The following IQCM variants were observed in gnomAD, a reference collection of about 807,000 sequenced individuals.
IQCM encodes IQ motif containing M, also known as IQ domain-containing protein M.
IQCM carries 45 observed loss-of-function variants against 57.6 expected under a neutral mutation model. That is an observed-to-expected ratio of 0.78 (90% CI 0.62 to 1.00). IQCM has a LOEUF of 1.00. Among genes scored for constraint, IQCM ranks in the 50% least tolerant of loss-of-function variants. The pLI, the probability that IQCM is intolerant of heterozygous loss-of-function variation, is 0.00. For synonymous variants in IQCM, 148 were observed against 158.9 expected, an observed-to-expected ratio of 0.93 and a Z score of 0.51; for missense variants, 468 against 511.6, an observed-to-expected ratio of 0.91 and a Z score of 0.82.
intron 12 of IQCM, among the ~76,000 whole-genome samples, chr4:149,510,223 T>C (rs188458673): frequency 4.6e-5 from 7 of 152,288 alleles, no homozygotes; most frequent in Non-Finnish European, 1.0e-4. Flanking sequence ...TGCATTTCTC[T>C]GGCTACTGGT....
rs559311858 is a variant in IQCM at position 149,487,929 on chromosome 4, C to T, written c.1229-54372G>A. On this transcript the variant is annotated intron_variant, in intron 12 of 13. Coordinates refer to ENST00000636793, the MANE Select transcript of IQCM (RefSeq NM_001363507.2). ...GTGATTGCTCATCTGGTTTTTGGTT[C>T]TTCAGATGGTGCTTTTCTGTATGCA... is the stretch of plus-strand genomic sequence containing the variant. Among the ~76,000 whole-genome samples, 12 of 152,060 alleles carry T rather than the reference C, an allele frequency of 7.9e-5. No individual in the cohort carries two copies. The East Asian group carries it at 2.3e-3, about 29-fold the overall frequency.
At chr4:149,725,497 A>G (rs1196088726) in intron 5 of IQCM, among the ~76,000 whole-genome samples, 2 of 152,154 alleles carry the variant, frequency 1.3e-5, no homozygotes, top group African/African-American at 4.8e-5. Context: ...AGCATTTCAG[A>G]GCTGTCTAGT....
At chr4:149,550,463 A>G (rs2149900942) in intron 11 of IQCM, among the ~76,000 whole-genome samples, 1 of 152,318 alleles carries the variant, frequency 6.6e-6, no homozygotes, top group Non-Finnish European at 1.5e-5. Flanking sequence ...TCTCCTTGAG[A>G]AATCCTTGAA....
At chr4:149,593,409 C>T (rs918499441) in intron 8 of IQCM, among the ~76,000 whole-genome samples, 31 of 152,036 alleles carry the variant, frequency 2.0e-4, no homozygotes, top group Non-Finnish European at 3.1e-4. Flanking sequence ...CAAACAGGGA[C>T]AATTTGCCTT....
At chr4:149,681,159 T>C (rs897868568) in intron 7 of IQCM, among the ~76,000 whole-genome samples, 4 of 151,178 alleles carry the variant, frequency 2.6e-5, no homozygotes, top group African/African-American at 7.3e-5. Flanking sequence ...ATTTCAAGAG[T>C]ATTATTTATT....
At chr4:149,766,650 G>A (rs562416801) in intron 2 of IQCM, among the ~76,000 whole-genome samples, 6 of 152,200 alleles carry the variant, frequency 3.9e-5, no homozygotes, top group South Asian at 2.1e-4. Flanking sequence ...CCCACAGGTC[G>A]TATGGTCTTT....
chr4:149,811,780 C>A (rs1343566632), intron 2 of IQCM, among the ~76,000 whole-genome samples: 1 of 152,116 alleles, frequency 6.6e-6, no homozygotes, highest in African/African-American at 2.4e-5. Flanking sequence ...TCCATAACTA[C>A]AGAAAAGCAA....
chr4:149,685,600 T>C (rs1202347766), intron 6 of IQCM, among the ~76,000 whole-genome samples: 3 of 151,632 alleles, frequency 2.0e-5, no homozygotes, highest in East Asian at 1.9e-4. Context: ...AAGTTCTTCA[T>C]AGCCTTGCCA....
chr4:149,717,159 G>A (rs1765073781), intron 5 of IQCM, among the ~76,000 whole-genome samples: 1 of 152,140 alleles, frequency 6.6e-6, no homozygotes, highest in African/African-American at 2.4e-5. Context: ...AAACTGAGTT[G>A]GGAGTTGTGG....
chr4:149,771,057 A>T (rs1034235618), intron 2 of IQCM, among the ~76,000 whole-genome samples: 7 of 152,040 alleles, frequency 4.6e-5, no homozygotes, highest in Non-Finnish European at 4.4e-5. Flanking sequence ...CCATCTCTTT[A>T]TATGTCCTAA....
intron 7 of IQCM, among the ~76,000 whole-genome samples, chr4:149,669,187 TG>T (rs1579931534): frequency 6.6e-6 from 1 of 152,162 alleles, no homozygotes; most frequent in East Asian, 1.9e-4. Flanking sequence ...TGGTATGAGA[TG>T]GTATCTCGTT....
chr4:149,421,362 A>G (rs1324103694), intron 13 of IQCM, among the ~76,000 whole-genome samples: 1 of 152,092 alleles, frequency 6.6e-6, no homozygotes, highest in Non-Finnish European at 1.5e-5. Context: ...CACCAAAAAT[A>G]TGAAGAGAAC....
intron 12 of IQCM, among the ~76,000 whole-genome samples, chr4:149,508,490 G>A (rs1318812361): frequency 1.3e-5 from 2 of 152,194 alleles, no homozygotes; most frequent in African/African-American, 4.8e-5. Flanking sequence ...TCATTTTGGA[G>A]GTTTAAGATT....
intron 2 of IQCM, among the ~76,000 whole-genome samples, chr4:149,743,357 C>G (rs1767636724): frequency 6.6e-6 from 1 of 152,096 alleles, no homozygotes; most frequent in South Asian, 2.1e-4. Flanking sequence ...ATCTGTTCCT[C>G]TCTTAAATAC....
At chr4:149,486,031 C>A (rs79594460) in intron 12 of IQCM, among the ~76,000 whole-genome samples, 132 of 105,444 alleles carry the variant, frequency 1.3e-3, no homozygotes, top group South Asian at 6.3e-3. Context: ...CTCTCTCTCT[C>A]TCTCTCTCTC....
intron 13 of IQCM, among the ~76,000 whole-genome samples, chr4:149,418,490 C>T (rs1308803160): frequency 6.6e-6 from 1 of 152,064 alleles, no homozygotes; most frequent in Non-Finnish European, 1.5e-5. Context: ...GATGGATTTA[C>T]AGCTAAATTC....
intron 2 of IQCM, among the ~76,000 whole-genome samples, chr4:149,783,834 T>C (rs1771834664): frequency 6.6e-6 from 1 of 152,174 alleles, no homozygotes; most frequent in South Asian, 2.1e-4. Context: ...AGGTGGCCTC[T>C]AGGACCTGAG....
At chr4:149,757,525 T>C (rs559301336) in intron 2 of IQCM, among the ~76,000 whole-genome samples, 1 of 151,856 alleles carries the variant, frequency 6.6e-6, no homozygotes, top group Admixed American at 6.6e-5. Context: ...ACAAAAAAAT[T>C]TGTAGCAATA....
intron 10 of IQCM, among the ~76,000 whole-genome samples, chr4:149,559,301 G>T (rs1376059529): frequency 6.6e-6 from 1 of 152,130 alleles, no homozygotes; most frequent in Admixed American, 6.6e-5. Context: ...TCCGTTCTCA[G>T]ACACCAAGTA....
Sources: gnomAD v4.1 joint callset for allele counts (sites outside exome capture counted in the v4.1 genomes callset) on GRCh38, gnomAD v4.1.1 for gene constraint, MANE v1.5 for transcripts, NCBI Gene and HGNC (gene_info 2026-07-23, HGNC 2026-07-21) for gene names.